LMAN2L: variants seen among roughly 807,000 people sequenced by gnomAD.
LMAN2L encodes lectin, mannose binding 2 like.
In LMAN2L, 30 loss-of-function variants were observed where a neutral mutation model predicts 44.3. The ratio of observed to expected loss-of-function variants is 0.68; its 90% CI spans 0.51 to 0.92. The LOEUF (loss-of-function observed/expected upper bound fraction) is 0.92, where lower values mean the gene tolerates loss of function less well. Among genes scored for constraint, LMAN2L ranks in the 40% least tolerant of loss-of-function variants. The pLI is 0.00. For synonymous variants in LMAN2L, 183 were observed against 171.1 expected (o/e 1.07, Z -0.54); for missense variants, 429 against 446.1 (o/e 0.96, Z 0.35).
intron 4 of LMAN2L, among the ~76,000 whole-genome samples, chr2:96,728,340 T>C (rs1371651169): frequency 6.6e-6 from 1 of 151,334 alleles, no homozygotes; most frequent in Non-Finnish European, 1.5e-5. Context: ...CTACTAAAAA[T>C]ACAAAAAATT....
chr2:96,723,827 G>A (rs2078210304), intron 4 of LMAN2L, among the ~76,000 whole-genome samples: 1 of 152,102 alleles, frequency 6.6e-6, no homozygotes, highest in Non-Finnish European at 1.5e-5. Context: ...GGTGGCTCAC[G>A]CCTGTAATCC....
chr2:96,717,384 T>C (rs1026743179), intron 4 of LMAN2L, among the ~76,000 whole-genome samples: 2 of 151,846 alleles, frequency 1.3e-5, no homozygotes, highest in African/African-American at 2.4e-5. Flanking sequence ...TACAAAAAGA[T>C]AGCTGGGCTT....
At chr2:96,724,098 CAA>C (rs879480139) in intron 4 of LMAN2L, among the ~76,000 whole-genome samples, 2 of 123,922 alleles carry the variant, frequency 1.6e-5, no homozygotes, top group Admixed American at 8.3e-5. Context: ...GACTCTGTCT[CAA>C]AAAAAAAAAA....
Position 96,707,036 on chromosome 2 carries a change from G to A in LMAN2L, c.*220C>T, listed in dbSNP as rs2077797399. On this transcript the variant is annotated 3_prime_UTR_variant, in exon 8 of 8. Transcript: ENST00000264963. ...CTGCAGGGAAAGGCACATCACAGCAGCATTGCCCTGGGGTGGGTGGCTTCC... is the reference window on the plus strand; with the variant it reads ...CTGCAGGGAAAGGCACATCACAGCAACATTGCCCTGGGGTGGGTGGCTTCC... 2.3e-6 allele frequency: 1 copy of A among 425,742 alleles called. No homozygotes were observed. The highest frequency in any genetic ancestry group is 4.2e-6 in the Non-Finnish European group (1 of 239,446). The allele number at this position is 425,742 out of a possible 1,614,324, so 26.4% of individuals were successfully genotyped here. A position where few individuals can be genotyped will look rare whatever the true frequency, so the allele number is the denominator to read the frequency against.
chr2:96,713,208 G>GAC (rs1251585040), intron 4 of LMAN2L: 1 of 1,353,318 alleles, frequency 7.4e-7, no homozygotes, highest in Non-Finnish European at 1.0e-6. Flanking sequence ...AAGTCAGAAA[G>GAC]ACACAGCCAC....
intron 1 of LMAN2L, among the ~76,000 whole-genome samples, chr2:96,739,551 C>T (rs757486577): frequency 4.6e-5 from 7 of 152,176 alleles, no homozygotes; most frequent in Non-Finnish European, 7.3e-5. Flanking sequence ...AGCCCTCAAT[C>T]ACTCCTCACC....
In LMAN2L at chr2:96,711,643, C is replaced by T. The variant is rs374758688; in HGVS notation, c.784+13G>A. The T allele has an allele frequency of 1.3e-4, 208 of 1,573,658 alleles. No homozygotes were observed. Among genetic ancestry groups the T allele is most frequent in the South Asian group, 2.0e-4 (18 of 90,228 alleles). ...CCTCAGTCAGGGCAAACCAAGAGTGCGCGTGGCAGTACCTGAGAGATCCCC... is the reference window on the plus strand; with the variant it reads ...CCTCAGTCAGGGCAAACCAAGAGTGTGCGTGGCAGTACCTGAGAGATCCCC... On this transcript the variant is annotated intron_variant, in intron 6 of 7. Coordinates refer to ENST00000264963, the MANE Select transcript of LMAN2L (RefSeq NM_030805.4).
intron 4 of LMAN2L, among the ~76,000 whole-genome samples, chr2:96,729,195 A>C (rs999135833): frequency 6.6e-6 from 1 of 151,780 alleles, no homozygotes; most frequent in Non-Finnish European, 1.5e-5. Context: ...AATAAAATAA[A>C]ATAAAACAAA....
chr2:96,712,275 G>A (rs567170811), intron 4 of LMAN2L, among the ~76,000 whole-genome samples: 17 of 152,350 alleles, frequency 1.1e-4, no homozygotes, highest in African/African-American at 4.1e-4. Context: ...GGGTGGGCCT[G>A]AAGTGGTCCT....
intron 4 of LMAN2L, among the ~76,000 whole-genome samples, chr2:96,714,359 A>C (rs1484188757): frequency 6.6e-6 from 1 of 152,246 alleles, no homozygotes; most frequent in Non-Finnish European, 1.5e-5. Flanking sequence ...ACTGGGCTCC[A>C]TGGGCCACAG....
intron 4 of LMAN2L, among the ~76,000 whole-genome samples, chr2:96,719,960 G>A (rs2078116295): frequency 6.6e-6 from 1 of 152,082 alleles, no homozygotes; most frequent in African/African-American, 2.4e-5. Context: ...CTAGGAGTTC[G>A]AGGCTGCAGT....
intron 4 of LMAN2L, among the ~76,000 whole-genome samples, chr2:96,728,438 G>T (rs1182249264): frequency 6.6e-6 from 1 of 151,126 alleles, no homozygotes; most frequent in Non-Finnish European, 1.5e-5. Context: ...CCCAGGAGGC[G>T]GACCTTGCAG....
intron 4 of LMAN2L, among the ~76,000 whole-genome samples, chr2:96,724,223 T>C (rs1409847991): frequency 2.6e-5 from 4 of 152,236 alleles, no homozygotes; most frequent in Non-Finnish European, 4.4e-5. Flanking sequence ...GTCTTTATTA[T>C]TGTAGCTTTG....
chr2:96,707,130 G>T lies in LMAN2L; in HGVS notation c.*126C>A. The T allele has an allele frequency of 1.1e-6, 1 of 904,566 alleles. No individual in the cohort carries two copies. Among genetic ancestry groups the T allele is most frequent in the Non-Finnish European group, 1.6e-6 (1 of 606,244 alleles). The allele number at this position is 904,566 out of a possible 1,614,324, so 56.0% of individuals were successfully genotyped here. A position where few individuals can be genotyped will look rare whatever the true frequency, so the allele number is the denominator to read the frequency against. On this transcript the variant is annotated 3_prime_UTR_variant, in exon 8 of 8. Transcript: ENST00000264963. ...GGGTCCCTGCATTCAAAACTCCAGT[G>T]ACAGAATATAGTCCCCAACCAGCTG... is the stretch of plus-strand genomic sequence containing the variant.
intron 2 of LMAN2L, among the ~76,000 whole-genome samples, chr2:96,734,983 A>G (rs1156620105): frequency 6.6e-6 from 1 of 152,206 alleles, no homozygotes; most frequent in Admixed American, 6.5e-5. Context: ...CAGTAGAAAA[A>G]GAAAAGCTAA....
intron 4 of LMAN2L, among the ~76,000 whole-genome samples, chr2:96,729,610 G>C (rs533693770): frequency 6.6e-6 from 1 of 151,990 alleles, no homozygotes; most frequent in East Asian, 1.9e-4. Context: ...CCAGGTTCAA[G>C]TGATTCTCCT....
chr2:96,732,939 G>C (rs2078436283), intron 4 of LMAN2L, among the ~76,000 whole-genome samples: 1 of 151,926 alleles, frequency 6.6e-6, no homozygotes, highest in Admixed American at 6.6e-5. Flanking sequence ...AGTAGAGACG[G>C]GGTTTCACCA....
At chr2:96,727,135 T>C (rs927634089) in intron 4 of LMAN2L, among the ~76,000 whole-genome samples, 32 of 151,980 alleles carry the variant, frequency 2.1e-4, no homozygotes, top group African/African-American at 7.5e-4. Flanking sequence ...CAAACACATA[T>C]ATATATATAT....
intron 4 of LMAN2L, among the ~76,000 whole-genome samples, chr2:96,727,796 T>C (rs1177797736): frequency 1.3e-5 from 2 of 152,198 alleles, no homozygotes; most frequent in African/African-American, 4.8e-5. Context: ...TCTGCACACA[T>C]ACCACGGTCA....
Sources: allele counts gnomAD v4.1 joint callset (sites outside exome capture counted in the v4.1 genomes callset), GRCh38; gene constraint gnomAD v4.1.1; transcripts MANE v1.5; gene names NCBI Gene and HGNC (gene_info 2026-07-23, HGNC 2026-07-21).